The following SPTSSA variants were observed in gnomAD, a reference collection of about 807,000 sequenced individuals.
SPTSSA encodes small subunit of serine palmitoyltransferase A.
In SPTSSA, 8 loss-of-function variants were observed where a neutral mutation model predicts 9.1. That is an observed-to-expected ratio of 0.88 (90% confidence interval 0.51 to 1.58). SPTSSA has a LOEUF of 1.58. Ranked by LOEUF, SPTSSA falls within the 40% of genes most tolerant of loss-of-function variation. The pLI is 0.00. For missense variants in SPTSSA, 100 were observed against 93.8 expected (o/e 1.07, Z -0.27); for synonymous variants, 42 against 37.7 (o/e 1.11, Z -0.41).
chr14:34,457,193 G>A (rs1396778614), intron 1 of SPTSSA, among the ~76,000 whole-genome samples: 1 of 151,922 alleles, frequency 6.6e-6, no homozygotes, highest in Non-Finnish European at 1.5e-5. Context: ...GGCCGAGCTG[G>A]CCTTGAACTC....
At position 34,435,211 on chromosome 14, in the gene SPTSSA, AT is replaced by A; in HGVS notation, c.205del (p.Ile69SerfsTer24). 6.2e-7 allele frequency: 1 copy of A among 1,613,342 alleles called. No individual in the cohort carries two copies. Among genetic ancestry groups the A allele is most frequent in the Non-Finnish European group, 8.5e-7 (1 of 1,179,564 alleles). On this transcript the variant is annotated frameshift_variant, in exon 2 of 2. Transcript: ENST00000298130. LOFTEE classifies it high-confidence loss of function. Reference protein sequence around the residue: ...HIMAILHYFEIVQ With the variant: ...HIMAILHYFEXVQ ...CTGGTCGCATCTTGGTCATTGTACGATTTCAAAGTAGTGCAATATCGCCATG... is the reference window on the plus strand; with the variant it reads ...CTGGTCGCATCTTGGTCATTGTACGATTCAAAGTAGTGCAATATCGCCATG...
intron 1 of SPTSSA, among the ~76,000 whole-genome samples, chr14:34,460,436 A>G (rs1029293810): frequency 6.6e-6 from 1 of 152,148 alleles, no homozygotes; most frequent in Non-Finnish European, 1.5e-5. Flanking sequence ...ACTATATTTC[A>G]TTTCATAATT....
chr14:34,454,428 T>G (rs1377883267), intron 1 of SPTSSA, among the ~76,000 whole-genome samples: 1 of 152,230 alleles, frequency 6.6e-6, no homozygotes, highest in Non-Finnish European at 1.5e-5. Flanking sequence ...TAGTTCTTGT[T>G]AAGCACAGTT....
At chr14:34,454,904 T>G (rs748045137) in intron 1 of SPTSSA, among the ~76,000 whole-genome samples, 4 of 152,008 alleles carry the variant, frequency 2.6e-5, no homozygotes, top group Admixed American at 2.0e-4. Context: ...CTGGCCAACA[T>G]AGTAAATCCC....
At chr14:34,445,747 T>C (rs1883409568) in intron 1 of SPTSSA, among the ~76,000 whole-genome samples, 1 of 152,240 alleles carries the variant, frequency 6.6e-6, no homozygotes, top group South Asian at 2.1e-4. Context: ...GGTTACATTT[T>C]TGTGAATAAT....
chr14:34,442,342 A>G (rs1328853786), intron 1 of SPTSSA, among the ~76,000 whole-genome samples: 6 of 152,196 alleles, frequency 3.9e-5, no homozygotes, highest in African/African-American at 1.4e-4. Flanking sequence ...GCTAAGGAAA[A>G]GGCACACCCA....
intron 1 of SPTSSA, among the ~76,000 whole-genome samples, chr14:34,449,928 G>A (rs1336630221): frequency 1.3e-5 from 2 of 152,152 alleles, no homozygotes. Flanking sequence ...TCTGTAACAA[G>A]CCTCTCAAAA....
At chr14:34,445,103 A>T (rs75978982) in intron 1 of SPTSSA, among the ~76,000 whole-genome samples, 9,324 of 152,230 alleles carry the variant, frequency 0.061, 455 homozygotes, top group African/African-American at 0.13. Flanking sequence ...AAAAAATTTT[A>T]AAAAGACTAC....
intron 1 of SPTSSA, among the ~76,000 whole-genome samples, chr14:34,450,927 G>A (rs549231828): frequency 1.3e-5 from 2 of 152,054 alleles, no homozygotes; most frequent in Non-Finnish European, 2.9e-5. Context: ...TAGATGTGAA[G>A]CCATATATAG....
chr14:34,438,439 T>C (rs879860694), intron 1 of SPTSSA, among the ~76,000 whole-genome samples: 15 of 152,300 alleles, frequency 9.8e-5, no homozygotes, highest in Admixed American at 9.8e-4. Context: ...GACTTTTCAT[T>C]TTCAGATTAG....
At chr14:34,435,383 T>C (rs1009917871) in intron 1 of SPTSSA, 79 bp from the exon 2 acceptor site, 1 of 973,602 alleles carries the variant, frequency 1.0e-6, no homozygotes, top group Non-Finnish European at 1.6e-6. Context: ...AACTCTTTTA[T>C]GCTGAAGTAC....
intron 1 of SPTSSA, among the ~76,000 whole-genome samples, chr14:34,439,960 C>CT (rs111639154): frequency 0.06 from 9,171 of 152,234 alleles, 445 homozygotes; most frequent in African/African-American, 0.13. Flanking sequence ...GGCCTTAGGC[C>CT]TTCCCTGGCA....
In SPTSSA at chr14:34,435,244, TGG is replaced by T. The variant is rs774537505; in HGVS notation, c.171_172del (p.Gln58AlafsTer10). ...GTAGTGCAATATCGCCATGATGTGC[TGG>T]GGCATGAAGACGTATCCTGTGTATA... On this transcript the variant is annotated frameshift_variant, in exon 2 of 2. Coordinates refer to ENST00000298130, the MANE Select transcript of SPTSSA (RefSeq NM_138288.4). LOFTEE classifies it high-confidence loss of function. 3.0e-5 allele frequency: 48 copies of T among 1,613,890 alleles called. No individual in the cohort carries two copies. Among genetic ancestry groups the T allele is most frequent in the Non-Finnish European group, 4.2e-6 (5 of 1,179,926 alleles).
chr14:34,455,951 T>C (rs936648424), intron 1 of SPTSSA, among the ~76,000 whole-genome samples: 1 of 151,600 alleles, frequency 6.6e-6, no homozygotes, highest in Non-Finnish European at 1.5e-5. Context: ...AAGTCCTTTT[T>C]AATTCTAAGT....
At position 34,434,270 on chromosome 14, in the gene SPTSSA, T is replaced by C. The variant is rs1883204986; in HGVS notation, c.*931A>G. The C allele has an allele frequency of 6.6e-6, 1 of 152,574 alleles. No individual in the cohort carries two copies. The highest frequency in any genetic ancestry group is 1.5e-5 in the Non-Finnish European group (1 of 68,026). The allele number at this position is 152,574 out of a possible 1,614,324, so 9.5% of individuals were successfully genotyped here. A position where few individuals can be genotyped will look rare whatever the true frequency, so the allele number is the denominator to read the frequency against. The stretch of plus-strand genomic sequence containing the variant: ...AAAAACAATACAAAGAGTGAAAGGA[T>C]TTTAACCAAGTTTACATTTCTTTTT... On this transcript the variant is annotated 3_prime_UTR_variant, in exon 2 of 2. Transcript: ENST00000298130.
At chr14:34,447,225 TAAAAAAAAAA>T (rs79063928) in intron 1 of SPTSSA, among the ~76,000 whole-genome samples, 3 of 85,304 alleles carry the variant, frequency 3.5e-5, no homozygotes, top group Non-Finnish European at 4.5e-5. Context: ...CTCCATCTCT[TAAAAAAAAAA>T]AAAAAAAAAA....
intron 1 of SPTSSA, among the ~76,000 whole-genome samples, chr14:34,443,722 G>A (rs1034111245): frequency 6.6e-6 from 1 of 152,060 alleles, no homozygotes; most frequent in Non-Finnish European, 1.5e-5. Context: ...TTTTAGTAGA[G>A]ATGGGGTTTC....
chr14:34,461,805 G>A (rs751318461), intron 1 of SPTSSA, among the ~76,000 whole-genome samples: 1 of 152,150 alleles, frequency 6.6e-6, no homozygotes, highest in East Asian at 1.9e-4. Context: ...GACACACAGG[G>A]TTACACATCA....
At chr14:34,451,009 A>T (rs983206781) in intron 1 of SPTSSA, among the ~76,000 whole-genome samples, 6 of 151,484 alleles carry the variant, frequency 4.0e-5, no homozygotes, top group Non-Finnish European at 5.9e-5. Flanking sequence ...GCAAGCTAGG[A>T]AAGAAATAAA....
Sources: gnomAD v4.1 joint callset for allele counts (sites outside exome capture counted in the v4.1 genomes callset) on GRCh38, gnomAD v4.1.1 for gene constraint, MANE v1.5 for transcripts, NCBI Gene and HGNC (gene_info 2026-07-23, HGNC 2026-07-21) for gene names.